Variants in METTL15 observed in about 807,000 individuals in gnomAD.
METTL15 encodes 12S rRNA N(4)-cytidine methyltransferase METTL15.
METTL15 carries 34 observed loss-of-function variants against 38.3 expected under a neutral mutation model. That is an observed-to-expected ratio of 0.89 (90% confidence interval 0.68 to 1.18). The LOEUF is 1.18. Ranked by LOEUF, METTL15 falls within the 50% of genes most tolerant of loss-of-function variation. The probability of loss-of-function intolerance (pLI) is 0.00; values close to 1 mark genes in which losing one functional copy is unlikely to be tolerated. For synonymous variants in METTL15, 162 were observed against 170.9 expected (o/e 0.95, Z 0.41); for missense variants, 438 against 498.4 (o/e 0.88, Z 1.15).
chr11:28,205,048 A>C (rs1475562194), intron 3 of METTL15, among the ~76,000 whole-genome samples: 3 of 151,816 alleles, frequency 2.0e-5, no homozygotes, highest in African/African-American at 7.2e-5. Context: ...GTTCCTGTGC[A>C]TTTCTTTGTT....
chr11:28,377,279 C>T (rs1187006027), intron 5 of METTL15, among the ~76,000 whole-genome samples: 219 of 151,466 alleles, frequency 1.4e-3, no homozygotes, highest in Non-Finnish European at 1.9e-3. Flanking sequence ...CCATTCTCCC[C>T]ATCACTTTCA....
At chr11:28,452,230 C>G (rs530485957) in intron 6 of METTL15, among the ~76,000 whole-genome samples, 1 of 152,304 alleles carries the variant, frequency 6.6e-6, no homozygotes, top group East Asian at 1.9e-4. Flanking sequence ...GTTTCAGCAC[C>G]TGTCTTCAGC....
chr11:28,481,193 G>A (rs906270220), intron 6 of METTL15, among the ~76,000 whole-genome samples: 1 of 152,050 alleles, frequency 6.6e-6, no homozygotes, highest in Admixed American at 6.6e-5. Flanking sequence ...CTGAACTTCA[G>A]AAAAATTTAT....
At chr11:28,232,119 T>C (rs1853711599) in intron 4 of METTL15, among the ~76,000 whole-genome samples, 1 of 151,888 alleles carries the variant, frequency 6.6e-6, no homozygotes, top group Non-Finnish European at 1.5e-5. Flanking sequence ...TAAAATATGT[T>C]ATAAGTCTAG....
chr11:28,378,409 A>C (rs1850344469), intron 5 of METTL15, among the ~76,000 whole-genome samples: 1 of 152,174 alleles, frequency 6.6e-6, no homozygotes, highest in Admixed American at 6.5e-5. Flanking sequence ...GTGGGAGTGA[A>C]CCGATTTTCC....
At chr11:28,380,376 G>T (rs1850369432) in intron 5 of METTL15, among the ~76,000 whole-genome samples, 2 of 151,968 alleles carry the variant, frequency 1.3e-5, no homozygotes, top group South Asian at 4.1e-4. Flanking sequence ...CACCATGTTA[G>T]CAAAGATGGT....
chr11:28,449,080 T>C (rs914352805), intron 6 of METTL15, among the ~76,000 whole-genome samples: 4 of 152,182 alleles, frequency 2.6e-5, no homozygotes, highest in African/African-American at 9.7e-5. Context: ...GTGCTATTTG[T>C]ATTTTCTTTC....
chr11:28,426,580 A>G (rs946202869), intron 6 of METTL15, among the ~76,000 whole-genome samples: 31 of 110,246 alleles, frequency 2.8e-4, no homozygotes, highest in African/African-American at 1.3e-3. Flanking sequence ...CCTTGCCAGC[A>G]TCTGTTTTTT....
chr11:28,420,745 T>C (rs1850812502), intron 5 of METTL15, among the ~76,000 whole-genome samples: 1 of 151,914 alleles, frequency 6.6e-6, no homozygotes, highest in Admixed American at 6.6e-5. Flanking sequence ...TTTATAGCTA[T>C]AAGTGCCTAC....
intron 5 of METTL15, among the ~76,000 whole-genome samples, chr11:28,409,153 T>C (rs533236295): frequency 2.6e-5 from 4 of 151,904 alleles, no homozygotes; most frequent in South Asian, 2.1e-4. Flanking sequence ...GAGGCTGAGG[T>C]GGGCGGATCA....
In METTL15 at chr11:28,328,572, A is replaced by G. The variant is rs141711653; in HGVS notation, c.779-1824A>G. On this transcript the variant is annotated intron_variant, in intron 6 of 6. Transcript: ENST00000407364. ...TCATTAAGAACAAATCTGTACTAGA[A>G]ACACTACTTCTCTATGGGATAATAC... 7.9e-3 allele frequency among the ~76,000 whole-genome samples: 1,201 copies of G among 152,248 alleles called. 11 individuals carry two copies. Among genetic ancestry groups the G allele is most frequent in the Non-Finnish European group, 0.012 (801 of 67,970 alleles).
intron 3 of METTL15, among the ~76,000 whole-genome samples, chr11:28,146,828 GCATTA>G (rs1245544961): frequency 6.6e-6 from 1 of 151,692 alleles, no homozygotes; most frequent in Non-Finnish European, 1.5e-5. Flanking sequence ...CCTTTACATT[GCATTA>G]ATTTGACTTT....
chr11:28,342,272 A>T (rs1000705089), intron 3 of METTL15, among the ~76,000 whole-genome samples: 6 of 151,354 alleles, frequency 4.0e-5, no homozygotes, highest in Non-Finnish European at 7.4e-5. Context: ...TTTTATTTTT[A>T]TTTTTTTGTG....
At chr11:28,312,795 C>A (rs765201586) in intron 6 of METTL15, among the ~76,000 whole-genome samples, 1 of 152,126 alleles carries the variant, frequency 6.6e-6, no homozygotes, top group Non-Finnish European at 1.5e-5. Context: ...AACTCATCCT[C>A]TTCTCAGGAG....
At chr11:28,241,941 G>A (rs1424297834) in intron 4 of METTL15, among the ~76,000 whole-genome samples, 1 of 152,144 alleles carries the variant, frequency 6.6e-6, no homozygotes, top group Non-Finnish European at 1.5e-5. Context: ...TAAGTGAAAT[G>A]GGAAATCATT....
downstream of METTL15, among the ~76,000 whole-genome samples, chr11:28,527,221 T>G (rs1169295362): frequency 6.6e-6 from 1 of 152,240 alleles, no homozygotes; most frequent in African/African-American, 2.4e-5. Flanking sequence ...AGTTAGTTAC[T>G]TTACCTTTTG....
intron 6 of METTL15, among the ~76,000 whole-genome samples, chr11:28,430,615 G>C (rs1219013064): frequency 2.5e-4 from 12 of 47,712 alleles, no homozygotes; most frequent in South Asian, 1.0e-3. Flanking sequence ...TCAGCCCTCC[G>C]CCCGGCCAGC....
rs1850868545 is a variant in METTL15, at chr11:28,171,802, T to C, written c.271-39260T>C. ...TCTCTCTCTCTCTCTTTTTTTTTTC[T>C]TTTTTTAGGGACAGGGTATTCCTCT... On this transcript the variant is annotated intron_variant, in intron 3 of 6. Transcript: ENST00000407364. Among the ~76,000 whole-genome samples the C allele has an allele frequency of 2.0e-5, 3 of 151,818 alleles. No individual in the cohort carries two copies. In the South Asian group the frequency reaches 6.2e-4, roughly 32 times the overall value.
intron 5 of METTL15, among the ~76,000 whole-genome samples, chr11:28,377,937 T>C (rs1177533581): frequency 1.3e-5 from 2 of 152,154 alleles, no homozygotes; most frequent in East Asian, 3.9e-4. Context: ...AGTGTGTCCC[T>C]GCTGGAGGGT....
Sources: gnomAD v4.1 joint callset for allele counts (sites outside exome capture counted in the v4.1 genomes callset) on GRCh38, gnomAD v4.1.1 for gene constraint, MANE v1.5 for transcripts, NCBI Gene and HGNC (gene_info 2026-07-23, HGNC 2026-07-21) for gene names.